LDB2: variants seen among roughly 807,000 people sequenced by gnomAD.
LDB2 encodes the protein LIM domain-binding protein 2.
A neutral mutation model predicts 44.3 loss-of-function variants in LDB2; 12 were observed. The observed-to-expected ratio is 0.27, with a 90% confidence interval of 0.17 to 0.44. The LOEUF is 0.44. LDB2 is among the 20% of genes least tolerant of loss of function. LDB2 has a pLI of 1.00. For synonymous variants in LDB2, 164 were observed against 174.8 expected, an observed-to-expected ratio of 0.94 and a Z score of 0.49; for missense variants, 344 against 473.5, an observed-to-expected ratio of 0.73 and a Z score of 2.54.
chr4:16,766,536 C>T (rs1769330370), intron 1 of LDB2, among the ~76,000 whole-genome samples: 1 of 145,458 alleles, frequency 6.9e-6, no homozygotes, highest in Non-Finnish European at 1.5e-5. Flanking sequence ...GACAGAATCT[C>T]GCTCTGTCAC....
At chr4:16,809,910 G>A (rs191723864) in intron 1 of LDB2, among the ~76,000 whole-genome samples, 2 of 152,262 alleles carry the variant, frequency 1.3e-5, no homozygotes, top group African/African-American at 4.8e-5. Flanking sequence ...TACACTCGGC[G>A]GTAAATAACT....
In LDB2 at chr4:16,502,686, T is replaced by C. The variant is rs376206902; in HGVS notation, c.1079A>G (p.Gln360Arg). 1.2e-6 allele frequency: 2 copies of C among 1,613,924 alleles called. No homozygotes were observed. The highest frequency in any genetic ancestry group is 1.7e-6 in the Non-Finnish European group (2 of 1,179,926). The change falls in exon 8 of 8, where the codon CAA becomes CGA. Residue 360 changes from glutamine to arginine, a missense_variant. Coordinates refer to ENST00000304523, the MANE Select transcript of LDB2 (RefSeq NM_001290.5). Reference sequence around the variant, plus strand: ...TGGGGGGTTTTCTGATTTGGTCTCTTGAGTGGCGGGAGGTTTACTGTTCCA... The same window carrying C: ...TGGGGGGTTTTCTGATTTGGTCTCTCGAGTGGCGGGAGGTTTACTGTTCCA... Reference protein sequence around the residue: ...SPWNSKPPATQETKSENPPPQ... With the variant: ...SPWNSKPPATRETKSENPPPQ...
At chr4:16,612,678 C>A (rs2152467099) in intron 2 of LDB2, among the ~76,000 whole-genome samples, 1 of 152,182 alleles carries the variant, frequency 6.6e-6, no homozygotes, top group East Asian at 1.9e-4. Flanking sequence ...CTGAATAGAC[C>A]AATAACAAGC....
intron 2 of LDB2, among the ~76,000 whole-genome samples, chr4:16,692,553 A>AAAAAAT (rs2152603937): frequency 6.6e-6 from 1 of 152,066 alleles, no homozygotes; most frequent in East Asian, 1.9e-4. Context: ...CTGTGGAAAG[A>AAAAAAT]AAAAATACTT....
At chr4:16,672,764 G>A (rs952962516) in intron 2 of LDB2, among the ~76,000 whole-genome samples, 3 of 152,112 alleles carry the variant, frequency 2.0e-5, no homozygotes, top group African/African-American at 7.2e-5. Context: ...TTTCCCTGCA[G>A]TAACACTGAG....
intron 5 of LDB2, among the ~76,000 whole-genome samples, chr4:16,516,815 C>G (rs1428463443): frequency 6.6e-6 from 1 of 152,184 alleles, no homozygotes; most frequent in Non-Finnish European, 1.5e-5. Flanking sequence ...CTGTAACCCA[C>G]CCCAAAGGAG....
At chr4:16,538,221 G>A (rs1577478515) in intron 5 of LDB2, among the ~76,000 whole-genome samples, 1 of 152,282 alleles carries the variant, frequency 6.6e-6, no homozygotes, top group African/African-American at 2.4e-5. Context: ...AAGGCCCAGA[G>A]CAGAACAACA....
At chr4:16,781,238 G>A (rs1773156389) in intron 1 of LDB2, among the ~76,000 whole-genome samples, 2 of 152,196 alleles carry the variant, frequency 1.3e-5, no homozygotes, top group Non-Finnish European at 2.9e-5. Context: ...CAAAGGATGT[G>A]GGGCTAGGAT....
intron 1 of LDB2, among the ~76,000 whole-genome samples, chr4:16,827,871 C>G (rs974147390): frequency 6.6e-6 from 1 of 152,174 alleles, no homozygotes; most frequent in East Asian, 1.9e-4. Flanking sequence ...GCCAGACCTC[C>G]CGACCCTTTC....
chr4:16,557,514 G>T (rs1345246614), intron 5 of LDB2, among the ~76,000 whole-genome samples: 1 of 152,238 alleles, frequency 6.6e-6, no homozygotes, highest in East Asian at 1.9e-4. Flanking sequence ...TGGGGGAGGG[G>T]CGCCTGCCAT....
intron 1 of LDB2, chr4:16,826,330 G>A (rs867729380): frequency 6.6e-5 from 10 of 152,282 alleles, no homozygotes; most frequent in Middle Eastern, 6.8e-3. Context: ...AACCTTCCAA[G>A]TCATATTTAT....
At chr4:16,521,643 C>G (rs942007777) in intron 5 of LDB2, among the ~76,000 whole-genome samples, 1 of 152,130 alleles carries the variant, frequency 6.6e-6, no homozygotes, top group African/African-American at 2.4e-5. Context: ...TTTTCAGCAG[C>G]TGTCATCAGA....
At chr4:16,766,766 A>G (rs575946124) in intron 1 of LDB2, among the ~76,000 whole-genome samples, 149 of 152,106 alleles carry the variant, frequency 9.8e-4, no homozygotes, top group African/African-American at 3.4e-3. Flanking sequence ...TCGGCCTCCC[A>G]AAGTGCTGGG....
intron 2 of LDB2, among the ~76,000 whole-genome samples, chr4:16,663,374 C>T (rs80169164): frequency 2.0e-3 from 305 of 152,258 alleles, no homozygotes; most frequent in African/African-American, 6.9e-3. Context: ...TTAATTGGGA[C>T]GTAACTGAGT....
chr4:16,799,561 C>A (rs1209478892), intron 1 of LDB2, among the ~76,000 whole-genome samples: 1 of 152,224 alleles, frequency 6.6e-6, no homozygotes, highest in Non-Finnish European at 1.5e-5. Context: ...TTCCTGCCAA[C>A]CTGTAATCTG....
In LDB2 at chr4:16,690,495, GA is replaced by G. The variant is rs1560892450; in HGVS notation, c.235+68662del. ...GAAGGAAGGAAGGGAGGGAGGGAGG[GA>G]GGGAGGGAGGGAGGGAGGGAGGGGG... On this transcript the variant is annotated intron_variant, in intron 2 of 7. Coordinates refer to ENST00000304523, the MANE Select transcript of LDB2 (RefSeq NM_001290.5). Among the ~76,000 whole-genome samples the G allele has an allele frequency of 1.4e-3, 21 of 14,848 alleles. 1 individual carries two copies. Among genetic ancestry groups the G allele is most frequent in the African/African-American group, 3.8e-3 (20 of 5,198 alleles). The allele number at this position is 14,848 out of a possible 152,430, so 9.7% of individuals were successfully genotyped here.
At chr4:16,812,608 A>ATG (rs1313316791) in intron 1 of LDB2, among the ~76,000 whole-genome samples, 1 of 135,002 alleles carries the variant, frequency 7.4e-6, no homozygotes, top group Non-Finnish European at 1.5e-5. Context: ...ATATATATAT[A>ATG]TATATATCTG....
intron 5 of LDB2, among the ~76,000 whole-genome samples, chr4:16,534,558 T>C (rs147870006): frequency 6.6e-6 from 1 of 152,354 alleles, no homozygotes; most frequent in Non-Finnish European, 1.5e-5. Context: ...TGCTAATTTA[T>C]ATTTCTCAAG....
chr4:16,640,166 G>A (rs1339021704), intron 2 of LDB2, among the ~76,000 whole-genome samples: 3 of 152,192 alleles, frequency 2.0e-5, no homozygotes, highest in African/African-American at 7.2e-5. Flanking sequence ...TCTGTTTAGT[G>A]ACTTATAACC....
Sources: allele counts gnomAD v4.1 joint callset (sites outside exome capture counted in the v4.1 genomes callset), GRCh38; gene constraint gnomAD v4.1.1; transcripts MANE v1.5; gene names NCBI Gene and HGNC (gene_info 2026-07-23, HGNC 2026-07-21).